Variants in ADGRB1 observed in about 807,000 individuals in gnomAD.
ADGRB1 encodes brain-specific angiogenesis inhibitor 1.
ADGRB1 carries 36 observed loss-of-function variants against 175.7 expected under a neutral mutation model. The ratio of observed to expected loss-of-function variants is 0.20; its 90% confidence interval spans 0.16 to 0.27. The LOEUF (loss-of-function observed/expected upper bound fraction) is 0.27. Ranked by LOEUF, ADGRB1 falls within the 10% of genes least tolerant of loss-of-function variation. The pLI, the probability that ADGRB1 is intolerant of heterozygous loss-of-function variation, is 1.00. For synonymous variants in ADGRB1, 1,054 were observed against 979.4 expected (o/e 1.08, Z -1.42); for missense variants, 1,731 against 2,255.3 (o/e 0.77, Z 4.71).
rs560756561 is a variant in ADGRB1 at position 142,469,254 on chromosome 8, TGTGAATGTGTGTGCACGTGCAGGTGA to T, written c.784+4290_784+4315del. Among the ~76,000 whole-genome samples the T allele has an allele frequency of 4.6e-3, 705 of 151,640 alleles. 1 individual carries two copies. Among genetic ancestry groups the T allele is most frequent in the Non-Finnish European group, 5.3e-3 (362 of 67,920 alleles). ...GTGAATGTGTGCACACATGCATGTG[TGTGAATGTGTGTGCACGTGCAGGTGA>T]GTGAATGTGTGTGCACGCGTGCATG... On this transcript the variant is annotated intron_variant, in intron 2 of 30. Transcript: ENST00000517894.
Position 142,484,670 on chromosome 8 carries a change from C to T in ADGRB1, c.2214C>T (p.Ala738=), listed in dbSNP as rs1336953828. 6.2e-7 allele frequency: 1 copy of T among 1,610,746 alleles called. No homozygotes were observed. Among genetic ancestry groups the T allele is most frequent in the Non-Finnish European group, 8.5e-7 (1 of 1,178,874 alleles). The stretch of plus-strand genomic sequence containing the variant: ...CTGCCCTCCAGGCGGGCCCCAACGC[C>T]AAGGAGCTGTTCCGGCTGGTGGAGG... ...WEEAQLAGPN[A]KELFRLVEDF... Residue 738 remains alanine, a synonymous_variant, in exon 13 of 31, where the codon GCC becomes GCT. Transcript: ENST00000517894.
rs190858054 is a variant in ADGRB1, at chr8:142,483,159, C to T, written c.2131-818C>T. On this transcript the variant is annotated intron_variant, in intron 11 of 30. Transcript: ENST00000517894. ...ATGCTGAACCCTGATCCTGGTCACA[C>T]GCTGAGCCCTGACCCTGGTCACACT... Among the ~76,000 whole-genome samples, 306 of 149,648 alleles carry T rather than the reference C, an allele frequency of 2.0e-3. 1 individual carries two copies. The highest frequency in any genetic ancestry group is 0.014 in the Middle Eastern group (4 of 280).
At chr8:142,522,827 A>G in intron 22 of ADGRB1, 117 bp downstream of exon 22, 1 of 1,204,142 alleles carries the variant, frequency 8.3e-7, no homozygotes, top group Non-Finnish European at 1.1e-6. Flanking sequence ...ATCATCTCAC[A>G]GAGGCTCAGG....
intron 23 of ADGRB1, 44 bp from the exon 24 acceptor site, chr8:142,526,498 C>T (rs535178520): frequency 1.2e-5 from 17 of 1,386,786 alleles, no homozygotes; most frequent in Admixed American, 9.8e-5. Flanking sequence ...CCTGAGCCTA[C>T]GGCGGCCCCC....
chr8:142,542,748 G>A lies in ADGRB1; in HGVS notation c.4413+101G>A, dbSNP rs1013322653. On this transcript the variant is annotated intron_variant, in intron 28 of 30. Coordinates refer to ENST00000517894, the MANE Select transcript of ADGRB1 (RefSeq NM_001702.3). The surrounding 1 kb of genome is among the most constrained non-coding windows in gnomAD (Gnocchi z 6.3). ...GGGACCCCCACGCCGTCAGCGGGGC[G>A]GGCTGGCTCTGCCTCCTAGCTACAC... is the stretch of plus-strand genomic sequence containing the variant. The A allele has an allele frequency of 9.1e-5, 105 of 1,152,364 alleles. No individual in the cohort carries two copies. In the East Asian group the frequency reaches 2.8e-3, roughly 30 times the overall value. The allele number at this position is 1,152,364 out of a possible 1,614,324, so 71.4% of individuals were successfully genotyped here.
Position 142,507,945 on chromosome 8 carries a change from A to AC in ADGRB1, c.2676-2984dup, listed in dbSNP as rs557142415. ...TGGCAGGCATAGACCACAACCGCAC[A>AC]CCCATCCCCAGGCACGGGGATGGGC... On this transcript the variant is annotated intron_variant, in intron 17 of 30. Transcript: ENST00000517894. Among the ~76,000 whole-genome samples, 273 of 150,094 alleles carry AC rather than the reference A, an allele frequency of 1.8e-3. 2 individuals are homozygous for AC. The highest frequency in any genetic ancestry group is 2.5e-3 in the Non-Finnish European group (169 of 67,742).
intron 24 of ADGRB1, among the ~76,000 whole-genome samples, chr8:142,531,170 C>A (rs981325863): frequency 6.6e-6 from 1 of 152,226 alleles, no homozygotes; most frequent in African/African-American, 2.4e-5. Context: ...AGTCCAGGGT[C>A]CCGGCTCAAA....
chr8:142,504,889 C>T lies in ADGRB1; in HGVS notation c.2676-6043C>T, dbSNP rs1436498664. ...CTCCCCCACTGCGGTGTGCTGTGCC[C>T]ACTCCTGGCTTCTTTCTGTTATGTG... On this transcript the variant is annotated intron_variant, in intron 17 of 30. Transcript: ENST00000517894. This position sits in a 1 kb window ranked among gnomAD's most constrained non-coding sequence, Gnocchi z 5.6. 1.3e-5 allele frequency among the ~76,000 whole-genome samples: 2 copies of T among 152,122 alleles called. No homozygotes were observed. Among genetic ancestry groups the T allele is most frequent in the African/African-American group, 4.8e-5 (2 of 41,410 alleles).
At position 142,504,048 on chromosome 8, in the gene ADGRB1, A is replaced by G. The variant is rs1842745861; in HGVS notation, c.2676-6884A>G. On this transcript the variant is annotated intron_variant, in intron 17 of 30. Coordinates refer to ENST00000517894, the MANE Select transcript of ADGRB1 (RefSeq NM_001702.3). This position sits in a 1 kb window ranked among gnomAD's most constrained non-coding sequence, Gnocchi z 5.6. ...GAGCAGGCTCCAGCGTCATCTGGCA[A>G]GCTGGGTTCAGTAAGACCCAGGTCA... is the stretch of plus-strand genomic sequence containing the variant. 6.6e-6 allele frequency among the ~76,000 whole-genome samples: 1 copy of G among 152,196 alleles called. No homozygotes were observed. The highest frequency in any genetic ancestry group is 2.4e-5 in the African/African-American group (1 of 41,458).
At chr8:142,530,000 G>A (rs557931979) in intron 24 of ADGRB1, among the ~76,000 whole-genome samples, 128 of 151,294 alleles carry the variant, frequency 8.5e-4, no homozygotes, top group Non-Finnish European at 1.4e-3. Context: ...GTGTGTGAGC[G>A]CAACCTGCTG....
At chr8:142,458,824 G>T (rs1284251800) in intron 1 of ADGRB1, among the ~76,000 whole-genome samples, 1 of 152,216 alleles carries the variant, frequency 6.6e-6, no homozygotes, top group Non-Finnish European at 1.5e-5. Context: ...CTGGTAATTG[G>T]TCACTGTCCT....
chr8:142,508,613 G>A (rs1268242434), intron 17 of ADGRB1, among the ~76,000 whole-genome samples: 2 of 152,202 alleles, frequency 1.3e-5, no homozygotes, highest in South Asian at 2.1e-4. Flanking sequence ...TGTTGCGGAC[G>A]CAGAACAGCC....
chr8:142,494,370 C>T (rs1842119129), intron 17 of ADGRB1, among the ~76,000 whole-genome samples: 1 of 151,770 alleles, frequency 6.6e-6, no homozygotes, highest in Non-Finnish European at 1.5e-5. Context: ...CAGATCTTAG[C>T]CACACATAGT....
intron 9 of ADGRB1, 78 bp from the exon 10 acceptor site, chr8:142,481,176 G>A (rs1841314393): frequency 1.5e-6 from 2 of 1,367,528 alleles, no homozygotes; most frequent in Admixed American, 3.4e-5. Context: ...CTTCCAGAAG[G>A]TCTGCTGCCA....
chr8:142,489,051 C>T lies in ADGRB1; in HGVS notation c.2469C>T (p.Ser823=), dbSNP rs778304168. The change falls in exon 15 of 31, where the codon TCC becomes TCT. Residue 823 remains serine (S), a synonymous_variant. Coordinates refer to ENST00000517894, the MANE Select transcript of ADGRB1 (RefSeq NM_001702.3). ...STGLTEADEA[S]VFVVGTVLYR... The stretch of plus-strand genomic sequence containing the variant: ...TTCTTCCAGAGGCCGATGAAGCATC[C>T]GTGTTTGTGGTGGGCACCGTGCTCT... 34 of 1,611,920 alleles carry T rather than the reference C, an allele frequency of 2.1e-5. No homozygotes were observed. The highest frequency in any genetic ancestry group is 2.1e-4 in the South Asian group (19 of 90,834).
intron 18 of ADGRB1, among the ~76,000 whole-genome samples, chr8:142,516,541 G>T: frequency 6.6e-6 from 1 of 150,628 alleles, no homozygotes; most frequent in East Asian, 2.0e-4. Flanking sequence ...GCGTGCATCT[G>T]TGTGGGCCCC....
rs1224878898 is a variant in ADGRB1, at chr8:142,542,707, G to GTCACCCCTGCAGCAGCTGGA, written c.4413+70_4413+71insAGCAGCTGGATCACCCCTGC. 6.9e-7 allele frequency: 1 copy of GTCACCCCTGCAGCAGCTGGA among 1,447,356 alleles called. No homozygotes were observed. The highest frequency in any genetic ancestry group is 1.5e-5 in the African/African-American group (1 of 68,368). The allele number at this position is 1,447,356 out of a possible 1,614,324, so 89.7% of individuals were successfully genotyped here. On this transcript the variant is annotated intron_variant, in intron 28 of 30. Coordinates refer to ENST00000517894, the MANE Select transcript of ADGRB1 (RefSeq NM_001702.3). The surrounding 1 kb of genome is among the most constrained non-coding windows in gnomAD (Gnocchi z 6.3). ...GCGAGGGCAGGGCTGCAGCAGCTGG[G>GTCACCCCTGCAGCAGCTGGA]TCACCCCTGCTGGGTGGGACCCCCA...
chr8:142,454,444 G>A (rs1443668824), intron 1 of ADGRB1, among the ~76,000 whole-genome samples: 1 of 152,148 alleles, frequency 6.6e-6, no homozygotes, highest in African/African-American at 2.4e-5. Flanking sequence ...GGTGCACACG[G>A]GTGCACACGG....
intron 1 of ADGRB1, among the ~76,000 whole-genome samples, chr8:142,450,672 A>G (rs749108330): frequency 6.6e-6 from 1 of 151,974 alleles, no homozygotes; most frequent in Non-Finnish European, 1.5e-5. Flanking sequence ...CGGGGCAGGC[A>G]GGAGAAAACC....
Sources: gnomAD v4.1 joint callset for allele counts (sites outside exome capture counted in the v4.1 genomes callset) on GRCh38, gnomAD v4.1.1 for gene constraint, Gnocchi (gnomAD v3.1) non-coding constraint, MANE v1.5 for transcripts, NCBI Gene and HGNC (gene_info 2026-07-23, HGNC 2026-07-21) for gene names.